The following TRAK2 variants were observed in gnomAD, a reference collection of about 807,000 sequenced individuals.
TRAK2 encodes trafficking kinesin protein 2.
In TRAK2, 81 loss-of-function variants were observed where a neutral mutation model predicts 104.6. That is an observed-to-expected ratio of 0.77 (90% CI 0.65 to 0.93). The LOEUF (loss-of-function observed/expected upper bound fraction) is 0.93, where lower values mean the gene tolerates loss of function less well. TRAK2 is among the 40% of genes least tolerant of loss of function. The probability of loss-of-function intolerance (pLI) is 0.00; values close to 1 mark genes in which losing one functional copy is unlikely to be tolerated. For synonymous variants in TRAK2, 406 were observed against 394.4 expected (o/e 1.03, Z -0.35); for missense variants, 1,002 against 1,089.0 (o/e 0.92, Z 1.12).
At chr2:201,407,317 A>G (rs1405229081) in intron 3 of TRAK2, 86 bp downstream of exon 3, 14 of 1,174,386 alleles carry the variant, frequency 1.2e-5, no homozygotes, top group Non-Finnish European at 1.7e-5. Flanking sequence ...AATGGCTACT[A>G]AACATCAGTG....
intron 1 of TRAK2, chr2:201,433,508 C>G (rs1168706114): frequency 1.3e-5 from 2 of 152,170 alleles, no homozygotes; most frequent in Admixed American, 1.3e-4. Flanking sequence ...TTCGTTTAAA[C>G]GTCCAAAACC....
rs757251994 is a variant in TRAK2, at chr2:201,381,029, T to C, written c.2259A>G (p.Lys753=). 6 of 1,613,992 alleles carry C rather than the reference T, an allele frequency of 3.7e-6. No individual in the cohort carries two copies. The highest frequency in any genetic ancestry group is 5.1e-6 in the Non-Finnish European group (6 of 1,180,012). The change falls in exon 16 of 16, where the codon AAA becomes AAG. Residue 753 remains lysine (K), a synonymous_variant. Transcript: ENST00000332624. The part of the protein sequence containing the change: ...KLLQERGISA[K]VYHSPISENP... ...TCTCTGAAATTGGGCTGTGGTACAC[T>C]TTGGCAGAGATGCCTCGCTCTTGTA...
chr2:201,424,902 C>T (rs574065849), intron 1 of TRAK2, among the ~76,000 whole-genome samples: 126 of 151,532 alleles, frequency 8.3e-4, no homozygotes, highest in Non-Finnish European at 1.4e-3. Flanking sequence ...CCACTGCGCC[C>T]GGCCTGCCAC....
chr2:201,413,069 A>G, intron 2 of TRAK2: 2 of 857,012 alleles, frequency 2.3e-6, no homozygotes, highest in Non-Finnish European at 4.0e-6. Context: ...AGAATCAATT[A>G]TTTGATCCTT....
chr2:201,414,410 C>A (rs1223768380), intron 2 of TRAK2, among the ~76,000 whole-genome samples: 2 of 152,182 alleles, frequency 1.3e-5, no homozygotes, highest in Non-Finnish European at 2.9e-5. Context: ...TATAATGAAA[C>A]ATGCTCTAGC....
rs1951936949 is a variant in TRAK2 at position 201,442,899 on chromosome 2, T to C, written c.-200+8451A>G. 2.0e-5 allele frequency among the ~76,000 whole-genome samples: 3 copies of C among 152,222 alleles called. No homozygotes were observed. The South Asian group carries it at 6.2e-4, about 32-fold the overall frequency. ...AAAGGAGAGAGAAACTTACTTTTTA[T>C]TATATACCTTTCAATTTTTCTACCA... On this transcript the variant is annotated intron_variant, in intron 1 of 15. Transcript: ENST00000332624.
chr2:201,401,550 C>T (rs1951550913), intron 3 of TRAK2, among the ~76,000 whole-genome samples: 2 of 152,082 alleles, frequency 1.3e-5, no homozygotes, highest in Non-Finnish European at 2.9e-5. Context: ...CATCTATGAT[C>T]ATCTACCATG....
chr2:201,423,222 A>G (rs1218924061), intron 1 of TRAK2, among the ~76,000 whole-genome samples: 1 of 152,182 alleles, frequency 6.6e-6, no homozygotes, highest in East Asian at 1.9e-4. Flanking sequence ...TACAGGCATG[A>G]GCCACTGCAC....
intron 1 of TRAK2, among the ~76,000 whole-genome samples, chr2:201,432,343 C>T (rs781025094): frequency 5.9e-5 from 9 of 152,200 alleles, no homozygotes; most frequent in Admixed American, 6.5e-5. Flanking sequence ...AGTCTGTGCA[C>T]ACGTATTCTG....
At chr2:201,439,248 A>G (rs1951900886) in intron 1 of TRAK2, among the ~76,000 whole-genome samples, 1 of 152,224 alleles carries the variant, frequency 6.6e-6, no homozygotes, top group Non-Finnish European at 1.5e-5. Context: ...AAGTCTACAT[A>G]GGTCTCTCAT....
intron 1 of TRAK2, among the ~76,000 whole-genome samples, chr2:201,434,774 G>C (rs572612978): frequency 1.6e-4 from 25 of 152,148 alleles, no homozygotes; most frequent in Non-Finnish European, 1.5e-5. Flanking sequence ...AGTATCAAAG[G>C]AGATACATAA....
At chr2:201,411,727 G>C in intron 2 of TRAK2, 1 of 780,324 alleles carries the variant, frequency 1.3e-6, no homozygotes, top group South Asian at 1.3e-5. Flanking sequence ...GGAATTTGTT[G>C]TAAGAAGGGT....
At chr2:201,411,682 C>A in intron 2 of TRAK2, 1 of 786,408 alleles carries the variant, frequency 1.3e-6, no homozygotes. Flanking sequence ...TTGTAAATGC[C>A]TAAAATACCC....
chr2:201,417,241 CAAAAAA>C (rs61702415), intron 2 of TRAK2, among the ~76,000 whole-genome samples: 21 of 88,416 alleles, frequency 2.4e-4, no homozygotes, highest in East Asian at 6.3e-4. Context: ...GAAGACATTG[CAAAAAA>C]AAAAAAAAAA....
At chr2:201,445,174 T>C (rs1416300901) in intron 1 of TRAK2, among the ~76,000 whole-genome samples, 1 of 152,182 alleles carries the variant, frequency 6.6e-6, no homozygotes, top group African/African-American at 2.4e-5. Context: ...TTAAACAGGG[T>C]ATCTTCAAGA....
intron 13 of TRAK2, 134 bp from the exon 14 acceptor site, chr2:201,386,618 G>A (rs1175410608): frequency 8.2e-7 from 1 of 1,217,842 alleles, no homozygotes; most frequent in East Asian, 2.4e-5. Flanking sequence ...TAATAATTTG[G>A]TAAAAGCTGC....
intron 2 of TRAK2, among the ~76,000 whole-genome samples, chr2:201,417,287 C>T (rs1187089802): frequency 1.4e-5 from 2 of 142,476 alleles, no homozygotes; most frequent in Non-Finnish European, 1.5e-5. Flanking sequence ...AAGTACAAAC[C>T]AATAACCCTT....
At chr2:201,412,509 T>C in intron 2 of TRAK2, 1 of 1,175,426 alleles carries the variant, frequency 8.5e-7, no homozygotes, top group Non-Finnish European at 1.3e-6. Context: ...GCTTATTGCC[T>C]TCAAATATAT....
intron 10 of TRAK2, among the ~76,000 whole-genome samples, chr2:201,392,137 G>A (rs997096061): frequency 2.4e-4 from 36 of 152,138 alleles, no homozygotes; most frequent in African/African-American, 8.7e-4. Context: ...CAGGGGGAAA[G>A]AAAGAGAAAG....
Sources: allele counts gnomAD v4.1 joint callset (sites outside exome capture counted in the v4.1 genomes callset), GRCh38; gene constraint gnomAD v4.1.1; transcripts MANE v1.5; gene names NCBI Gene and HGNC (gene_info 2026-07-23, HGNC 2026-07-21).